ZNF469: variants seen among roughly 807,000 people sequenced by gnomAD.
ZNF469 encodes the protein zinc finger protein 469.
ZNF469 carries 1 observed loss-of-function variant against 1.0 expected under a neutral mutation model. That is an observed-to-expected ratio of 1.00 (90% CI 0.35 to 4.73). The LOEUF (loss-of-function observed/expected upper bound fraction) is 4.73, where lower values mean the gene tolerates loss of function less well. ZNF469 is among the 30% of genes most tolerant of loss of function. The pLI is 0.16. For missense variants in ZNF469, 6,100 were observed against 5,356.3 expected, an observed-to-expected ratio of 1.14 and a Z score of -4.33; for synonymous variants, 2,703 against 2,363.4, an observed-to-expected ratio of 1.14 and a Z score of -4.17.
At chr16:88,130,451 G>T in the ZNF469 span, among the ~76,000 whole-genome samples, 2 of 152,122 alleles carry the variant, frequency 1.3e-5, no homozygotes, top group African/African-American at 4.8e-5. Context: ...CCGGCACCAG[G>T]TTACAAAGGG....
chr16:88,241,583 G>A, the ZNF469 span, among the ~76,000 whole-genome samples: 2 of 152,150 alleles, frequency 1.3e-5, no homozygotes, highest in Non-Finnish European at 2.9e-5. The surrounding 1 kb of genome is among the most constrained non-coding windows in gnomAD (Gnocchi z 4.8). Flanking sequence ...CTCATGACAG[G>A]CTCAGGGTCC....
the ZNF469 span, among the ~76,000 whole-genome samples, chr16:88,168,258 T>C: frequency 6.6e-6 from 1 of 152,220 alleles, no homozygotes; most frequent in African/African-American, 2.4e-5. This position sits in a 1 kb window ranked among gnomAD's most constrained non-coding sequence, Gnocchi z 4.3. Flanking sequence ...TGAGGGGTAC[T>C]GAACTTGGCC....
At chr16:88,356,875 C>G in the ZNF469 span, among the ~76,000 whole-genome samples, 1 of 152,250 alleles carries the variant, frequency 6.6e-6, no homozygotes, top group Admixed American at 6.5e-5. Flanking sequence ...TCCGCAGACT[C>G]TTGCTGAATC....
At chr16:88,381,384 G>C (rs903665895), upstream of ZNF469, among the ~76,000 whole-genome samples, 150 of 131,698 alleles carry the variant, frequency 1.1e-3, 1 homozygote, top group African/African-American at 4.3e-3. Context: ...ACAGAGACAT[G>C]CATTCACACA....
chr16:88,179,660 C>G, the ZNF469 span, among the ~76,000 whole-genome samples: 1 of 152,190 alleles, frequency 6.6e-6, no homozygotes, highest in East Asian at 1.9e-4. Flanking sequence ...TTACCAGGAA[C>G]CTGTGTGATT....
intron 1 of ZNF469, among the ~76,000 whole-genome samples, chr16:88,388,902 G>T (rs988064419): frequency 6.6e-6 from 1 of 151,798 alleles, no homozygotes; most frequent in Non-Finnish European, 1.5e-5. Context: ...GCCAGGGCCA[G>T]TCTCCATACT....
the ZNF469 span, among the ~76,000 whole-genome samples, chr16:88,239,574 G>A: frequency 6.2e-5 from 9 of 145,208 alleles, no homozygotes; most frequent in African/African-American, 2.0e-4. Context: ...TGCAAGCTCC[G>A]CCTCCCAGGT....
At chr16:88,396,738 C>G (rs538264398) in intron 1 of ZNF469, among the ~76,000 whole-genome samples, 3 of 148,460 alleles carry the variant, frequency 2.0e-5, no homozygotes, top group Admixed American at 1.3e-4. Context: ...CGGGAGGAGA[C>G]CCTCATAAAG....
chr16:88,367,560 C>A, the ZNF469 span, among the ~76,000 whole-genome samples: 1 of 152,180 alleles, frequency 6.6e-6, no homozygotes, highest in African/African-American at 2.4e-5. Context: ...GTGCACGTCC[C>A]AGCGCCTGTG....
At chr16:88,392,266 C>T (rs1320484732) in intron 1 of ZNF469, among the ~76,000 whole-genome samples, 2 of 152,280 alleles carry the variant, frequency 1.3e-5, no homozygotes, top group Non-Finnish European at 1.5e-5. Context: ...GCAAACGCTC[C>T]GTGGCCACGT....
chr16:88,114,216 T>A, the ZNF469 span, among the ~76,000 whole-genome samples: 1 of 145,064 alleles, frequency 6.9e-6, no homozygotes. Context: ...ACTGCGGGGG[T>A]CTCCGGGGAG....
the ZNF469 span, among the ~76,000 whole-genome samples, chr16:88,298,656 C>T: frequency 6.6e-6 from 1 of 152,090 alleles, no homozygotes; most frequent in African/African-American, 2.4e-5. Context: ...AGAGATTTGG[C>T]CCTGGGACAC....
At position 88,433,518 on chromosome 16, in the gene ZNF469, C is replaced by G; in HGVS notation, c.6048C>G (p.Ala2016=). 6.5e-7 allele frequency: 1 copy of G among 1,550,360 alleles called. No homozygotes were observed. The change falls in exon 3 of 3, where the codon GCC becomes GCG. Residue 2016 remains alanine (A), a synonymous_variant. Coordinates refer to ENST00000565624, the MANE Select transcript of ZNF469 (RefSeq NM_001367624.2). ...GCCCAGGGGGCACGGACAACCACGC[C>G]TCAGTCAATGCCAGTCCCAAAACAG... ...GVSPGGTDNH[A]SVNASPKTAL... is the part of the protein sequence containing the mutation.
At chr16:88,292,172 C>T in the ZNF469 span, among the ~76,000 whole-genome samples, 3 of 152,116 alleles carry the variant, frequency 2.0e-5, no homozygotes, top group African/African-American at 4.8e-5. Context: ...CAGAAGGGGC[C>T]CTGGAGTCAC....
At chr16:88,219,381 A>G in the ZNF469 span, among the ~76,000 whole-genome samples, 13 of 133,442 alleles carry the variant, frequency 9.7e-5, no homozygotes, top group Non-Finnish European at 1.9e-4. Context: ...CTACAAGGCT[A>G]CAGTAACCAA....
Position 88,427,470 on chromosome 16 carries a change from C to T in ZNF469, c.-1C>T. 1 of 1,507,316 alleles carries T rather than the reference C, an allele frequency of 6.6e-7. No homozygotes were observed. Among genetic ancestry groups the T allele is most frequent in the Middle Eastern group, 2.0e-4 (1 of 5,054 alleles). 93.4% of individuals were successfully genotyped at this position (1,507,316 alleles called of 1,614,324 possible). ...CGTCCTAGCGCCAGGACGGAGGGGC[C>T]ATGCCTGGGGAGCGCCCCCGAGGAG... is the stretch of plus-strand genomic sequence containing the variant. On this transcript the variant is annotated 5_prime_UTR_variant, in exon 3 of 3. Coordinates refer to ENST00000565624, the MANE Select transcript of ZNF469 (RefSeq NM_001367624.2).
chr16:88,276,884 T>TA, the ZNF469 span, among the ~76,000 whole-genome samples: 1 of 152,124 alleles, frequency 6.6e-6, no homozygotes, highest in African/African-American at 2.4e-5. Context: ...GCTCGGTCAG[T>TA]ACCATGTAGA....
At chr16:88,234,034 G>T in the ZNF469 span, among the ~76,000 whole-genome samples, 1 of 152,210 alleles carries the variant, frequency 6.6e-6, no homozygotes, top group African/African-American at 2.4e-5. Flanking sequence ...TTTTCCTATT[G>T]GGATGAGCTC....
At chr16:88,316,699 A>G in the ZNF469 span, among the ~76,000 whole-genome samples, 2 of 151,818 alleles carry the variant, frequency 1.3e-5, no homozygotes, top group South Asian at 4.2e-4. Flanking sequence ...GGCGCCCGCC[A>G]CCACGCCCAG....
Sources: allele counts gnomAD v4.1 joint callset (sites outside exome capture counted in the v4.1 genomes callset), GRCh38; gene constraint gnomAD v4.1.1; non-coding constraint Gnocchi (gnomAD v3.1); transcripts MANE v1.5; gene names NCBI Gene and HGNC (gene_info 2026-07-23, HGNC 2026-07-21).